RTCB: variants seen among roughly 807,000 people sequenced by gnomAD.
RTCB encodes the protein RNA-splicing ligase RTCB.
Under a neutral mutation model 58.2 loss-of-function variants are expected in RTCB, and 32 were observed. That is an observed-to-expected ratio of 0.55 (90% CI 0.41 to 0.74). The LOEUF (loss-of-function observed/expected upper bound fraction) is 0.74. Ranked by LOEUF, RTCB falls within the 30% of genes least tolerant of loss-of-function variation. The probability of loss-of-function intolerance (pLI) is 0.00; values close to 1 mark genes in which losing one functional copy is unlikely to be tolerated. For missense variants in RTCB, 523 were observed against 639.0 expected (o/e 0.82, Z 1.96); for synonymous variants, 247 against 218.6 (o/e 1.13, Z -1.15).
chr22:32,409,330 C>T (rs937309493), intron 1 of RTCB, among the ~76,000 whole-genome samples: 1 of 152,170 alleles, frequency 6.6e-6, no homozygotes, highest in Admixed American at 6.5e-5. Context: ...TGGTGACTTA[C>T]AAATCTCTAG....
At position 32,387,791 on chromosome 22, in the gene RTCB, A is replaced by C; in HGVS notation, c.*201T>G. The C allele has an allele frequency of 1.9e-6, 1 of 519,840 alleles. No individual in the cohort carries two copies. The allele number at this position is 519,840 out of a possible 1,614,324, so 32.2% of individuals were successfully genotyped here. A position where few individuals can be genotyped will look rare whatever the true frequency, so the allele number is the denominator to read the frequency against. The stretch of plus-strand genomic sequence containing the variant: ...ATTCCTCCCTTTCCAAAGGTGGGCA[A>C]TGTGCCTCTTCCTGGAAGGTTATTT... On this transcript the variant is annotated 3_prime_UTR_variant, in exon 12 of 12. Coordinates refer to ENST00000216038, the MANE Select transcript of RTCB (RefSeq NM_014306.5).
intron 4 of RTCB, among the ~76,000 whole-genome samples, chr22:32,402,642 G>C (rs961831164): frequency 7.5e-6 from 1 of 132,718 alleles, no homozygotes; most frequent in Non-Finnish European, 1.6e-5. Flanking sequence ...GTAGAGACGG[G>C]GTTTCACCAT....
In RTCB at chr22:32,391,000, A is replaced by G. The variant is rs149475024; in HGVS notation, c.1410+1240T>C. On this transcript the variant is annotated intron_variant, in intron 11 of 11. Transcript: ENST00000216038. ...TGAGTTGCTAGGACTACACCTGGCTAATCTTTGGCCAAACTAATCTTGAAC... is the reference window on the plus strand; with the variant it reads ...TGAGTTGCTAGGACTACACCTGGCTGATCTTTGGCCAAACTAATCTTGAAC... 5.3e-3 allele frequency among the ~76,000 whole-genome samples: 801 copies of G among 152,232 alleles called. 6 individuals carry two copies. The highest frequency in any genetic ancestry group is 9.0e-3 in the Admixed American group (137 of 15,276).
At chr22:32,388,631 A>AATTT (rs140347872) in intron 11 of RTCB, among the ~76,000 whole-genome samples, 5,242 of 152,206 alleles carry the variant, frequency 0.034, 276 homozygotes, top group African/African-American at 0.12. Flanking sequence ...ACTCACAGAC[A>AATTT]ATTTCTGTGA....
At chr22:32,391,513 G>A (rs951077016) in intron 11 of RTCB, among the ~76,000 whole-genome samples, 11 of 150,318 alleles carry the variant, frequency 7.3e-5, no homozygotes, top group African/African-American at 2.5e-4. Context: ...TTCCTGTCTC[G>A]GCCTCCTGAG....
chr22:32,404,448 C>A (rs57649686), intron 4 of RTCB, among the ~76,000 whole-genome samples: 14,433 of 152,100 alleles, frequency 0.095, 886 homozygotes, highest in African/African-American at 0.17. Flanking sequence ...TGAGATCATG[C>A]CAGACTAGAG....
chr22:32,408,889 C>G, intron 1 of RTCB, 56 bp from the exon 2 acceptor site: 1 of 1,225,276 alleles, frequency 8.2e-7, no homozygotes, highest in Non-Finnish European at 1.2e-6. Flanking sequence ...CAAGTGTAGG[C>G]ACTGGACAGA....
intron 11 of RTCB, among the ~76,000 whole-genome samples, chr22:32,391,691 G>A (rs1297608544): frequency 2.0e-5 from 3 of 152,060 alleles, no homozygotes; most frequent in African/African-American, 2.4e-5. Context: ...ACGCCCGGCC[G>A]ACAATAATAA....
In RTCB at chr22:32,387,716, T is replaced by A. The variant is rs1229158726; in HGVS notation, c.*276A>T. 2.7e-6 allele frequency: 1 copy of A among 372,046 alleles called. No individual in the cohort carries two copies. The highest frequency in any genetic ancestry group is 5.0e-6 in the Non-Finnish European group (1 of 200,386). The allele number at this position is 372,046 out of a possible 1,614,324, so 23.0% of individuals were successfully genotyped here. On this transcript the variant is annotated 3_prime_UTR_variant, in exon 12 of 12. Coordinates refer to ENST00000216038, the MANE Select transcript of RTCB (RefSeq NM_014306.5). ...CGTAAGGCAGTTTGACATCTACCCA[T>A]CCCTAACAGATTTTCCTAAAACTCT...
Position 32,401,871 on chromosome 22 carries a change from G to A in RTCB, c.373C>T (p.Arg125Cys), listed in dbSNP as rs1369275113. 1.9e-6 allele frequency: 3 copies of A among 1,613,988 alleles called. No individual in the cohort carries two copies. The highest frequency in any genetic ancestry group is 2.5e-6 in the Non-Finnish European group (3 of 1,179,930). ...TCATCTAAATTGGTTCTTAGCAAGC[G>A]GACACCACAGTTGATGTCAAACCCG... The part of the protein sequence containing the change: ...GVGFDINCGV[R>C]LLRTNLDESD... Residue 125 changes from arginine to cysteine, a missense_variant, in exon 5 of 12, where the codon CGC (arginine) becomes TGC (cysteine). Transcript: ENST00000216038.
intron 7 of RTCB, 79 bp from the exon 8 acceptor site, chr22:32,396,328 C>A: frequency 7.1e-7 from 1 of 1,414,186 alleles, no homozygotes; most frequent in South Asian, 1.3e-5. Flanking sequence ...GAAAGGTAGG[C>A]TACATTCAAA....
At chr22:32,402,895 C>T (rs1933361514) in intron 4 of RTCB, among the ~76,000 whole-genome samples, 1 of 152,086 alleles carries the variant, frequency 6.6e-6, no homozygotes, top group South Asian at 2.1e-4. Flanking sequence ...CAGGTGTGTG[C>T]CACCAGGCCT....
At chr22:32,404,125 A>G (rs1933382609) in intron 4 of RTCB, among the ~76,000 whole-genome samples, 1 of 152,154 alleles carries the variant, frequency 6.6e-6, no homozygotes, top group Admixed American at 6.5e-5. Context: ...TGAACATGGG[A>G]GGGCAGGTAT....
intron 4 of RTCB, among the ~76,000 whole-genome samples, chr22:32,405,632 T>C (rs989810183): frequency 3.9e-5 from 6 of 152,198 alleles, no homozygotes; most frequent in Non-Finnish European, 7.3e-5. Context: ...CTTTTTCTTC[T>C]TTTCCTCTAG....
At chr22:32,401,679 G>T (rs1335452631) in intron 5 of RTCB, 68 bp downstream of exon 5, 24 of 1,538,940 alleles carry the variant, frequency 1.6e-5, no homozygotes, top group Non-Finnish European at 2.0e-5. Flanking sequence ...TACTGCACTG[G>T]AAAGGAAGCT....
At chr22:32,402,019 A>T in intron 4 of RTCB, 116 bp from the exon 5 acceptor site, 1 of 1,106,832 alleles carries the variant, frequency 9.0e-7, no homozygotes, top group Non-Finnish European at 1.3e-6. Context: ...ACTATGTTTT[A>T]AAGTAGACAA....
At chr22:32,400,416 A>G (rs932384988) in intron 5 of RTCB, among the ~76,000 whole-genome samples, 75 of 152,216 alleles carry the variant, frequency 4.9e-4, no homozygotes, top group African/African-American at 1.7e-3. Context: ...ACACTTTTCA[A>G]TGTTCTCTCC....
intron 5 of RTCB, 119 bp downstream of exon 5, chr22:32,401,628 A>G: frequency 8.7e-7 from 1 of 1,146,564 alleles, no homozygotes. Context: ...AGTTCTTACT[A>G]CTTCCTGAAA....
At chr22:32,396,002 G>A in intron 8 of RTCB, 72 bp downstream of exon 8, 1 of 1,494,718 alleles carries the variant, frequency 6.7e-7, no homozygotes, top group Non-Finnish European at 9.2e-7. Context: ...GTCCAGCCTG[G>A]ACTGCACTAT....
Sources: allele counts gnomAD v4.1 joint callset (sites outside exome capture counted in the v4.1 genomes callset), GRCh38; gene constraint gnomAD v4.1.1; transcripts MANE v1.5; gene names NCBI Gene and HGNC (gene_info 2026-07-23, HGNC 2026-07-21).